CNTNAP4: variants seen among roughly 807,000 people sequenced by gnomAD.
CNTNAP4 encodes the protein contactin associated protein family member 4, also known as contactin-associated protein-like 4.
Under a neutral mutation model 148.4 loss-of-function variants are expected in CNTNAP4, and 98 were observed. The observed-to-expected ratio is 0.66, with a 90% CI of 0.56 to 0.78. The LOEUF is 0.78. Among genes scored for constraint, CNTNAP4 ranks in the 30% least tolerant of loss-of-function variants. The pLI is 0.00. For missense variants in CNTNAP4, 1,935 were observed against 1,565.6 expected (o/e 1.24, Z -3.98); for synonymous variants, 730 against 565.1 (o/e 1.29, Z -4.14).
intron 15 of CNTNAP4, among the ~76,000 whole-genome samples, chr16:76,514,720 G>C (rs2083178254): frequency 9.1e-6 from 1 of 109,712 alleles, no homozygotes; most frequent in Admixed American, 1.3e-4. Flanking sequence ...GATTCCTATT[G>C]AGGTTAATAA....
At chr16:76,532,540 T>C (rs1449251831) in intron 17 of CNTNAP4, among the ~76,000 whole-genome samples, 1 of 152,216 alleles carries the variant, frequency 6.6e-6, no homozygotes, top group African/African-American at 2.4e-5. Flanking sequence ...ACTGTGCATG[T>C]TTCAGAGCAG....
intron 3 of CNTNAP4, among the ~76,000 whole-genome samples, chr16:76,400,086 C>G (rs2078353632): frequency 6.6e-6 from 1 of 152,106 alleles, no homozygotes; most frequent in African/African-American, 2.4e-5. Context: ...ATTTGTACAG[C>G]CCCATAGAGA....
rs1280768141 is a variant in CNTNAP4 at position 76,560,464 on chromosome 16, A to G, written c.*1781A>G. On this transcript the variant is annotated 3_prime_UTR_variant, in exon 24 of 24. Coordinates refer to ENST00000611870, the MANE Select transcript of CNTNAP4 (RefSeq NM_033401.5). ...ATTGGAAGATCTATGGTGACAAGGGAAGGATTTAACATAGAAATGGCATTA... is the reference window on the plus strand; with the variant it reads ...ATTGGAAGATCTATGGTGACAAGGGGAGGATTTAACATAGAAATGGCATTA... Among the ~76,000 whole-genome samples the G allele has an allele frequency of 1.3e-5, 2 of 152,196 alleles. No individual in the cohort carries two copies. Among genetic ancestry groups the G allele is most frequent in the African/African-American group, 4.8e-5 (2 of 41,448 alleles).
intron 4 of CNTNAP4, among the ~76,000 whole-genome samples, chr16:76,443,766 C>T (rs1193409997): frequency 6.6e-6 from 1 of 152,090 alleles, no homozygotes; most frequent in African/African-American, 2.4e-5. Context: ...TAGTACAATA[C>T]AAAGACATAT....
chr16:76,389,448 G>T (rs986342878), intron 3 of CNTNAP4, among the ~76,000 whole-genome samples: 1 of 151,700 alleles, frequency 6.6e-6, no homozygotes, highest in Admixed American at 6.6e-5. Context: ...TTTTGTTTTT[G>T]CGTTTTTTGT....
chr16:76,514,098 T>A (rs1450214610), intron 15 of CNTNAP4, among the ~76,000 whole-genome samples: 2 of 152,182 alleles, frequency 1.3e-5, no homozygotes, highest in Non-Finnish European at 2.9e-5. Context: ...TGATCGTCAT[T>A]TGCTAATTCA....
intron 4 of CNTNAP4, among the ~76,000 whole-genome samples, chr16:76,429,995 G>A (rs1036041555): frequency 6.6e-6 from 1 of 152,074 alleles, no homozygotes; most frequent in Non-Finnish European, 1.5e-5. Context: ...TAAACTTAAT[G>A]GATAAACATT....
intron 9 of CNTNAP4, among the ~76,000 whole-genome samples, chr16:76,465,661 G>C (rs780591225): frequency 1.3e-5 from 2 of 152,056 alleles, no homozygotes; most frequent in African/African-American, 4.8e-5. Flanking sequence ...TTCTTAATTG[G>C]CTAATAAGTC....
Position 76,500,400 on chromosome 16 carries a change from G to A in CNTNAP4, c.2365+1706G>A, listed in dbSNP as rs111760741. 1.6e-3 allele frequency among the ~76,000 whole-genome samples: 247 copies of A among 152,350 alleles called. 1 individual carries two copies. The highest frequency in any genetic ancestry group is 5.1e-3 in the African/African-American group (212 of 41,582). On this transcript the variant is annotated intron_variant, in intron 15 of 23. Transcript: ENST00000611870. ...GGTTCTAAGAGAAAGAAACCACTGG[G>A]CATCTCAACTTGATTAGTTCATGAG... is the stretch of plus-strand genomic sequence containing the variant.
chr16:76,534,512 T>G (rs2084130616), intron 17 of CNTNAP4, among the ~76,000 whole-genome samples: 1 of 152,208 alleles, frequency 6.6e-6, no homozygotes, highest in South Asian at 2.1e-4. Context: ...GTTAGGGTAC[T>G]CTTTTCCCGC....
chr16:76,366,990 A>C (rs1476126648), intron 3 of CNTNAP4, among the ~76,000 whole-genome samples: 1 of 152,050 alleles, frequency 6.6e-6, no homozygotes, highest in Admixed American at 6.6e-5. Context: ...ATGAGAAATA[A>C]CTAAGTTAAT....
At chr16:76,334,757 T>C (rs1963873177) in intron 2 of CNTNAP4, among the ~76,000 whole-genome samples, 1 of 152,120 alleles carries the variant, frequency 6.6e-6, no homozygotes, top group South Asian at 2.1e-4. Context: ...TTAGTGGCTT[T>C]GGACGTGCAG....
At chr16:76,553,528 G>A in intron 22 of CNTNAP4, 27 bp downstream of exon 22, 1 of 1,500,826 alleles carries the variant, frequency 6.7e-7, no homozygotes, top group South Asian at 1.2e-5. Context: ...CCTCTACTCA[G>A]TCACAGACGT....
At chr16:76,299,946 G>A (rs1346643825) in intron 1 of CNTNAP4, among the ~76,000 whole-genome samples, 3 of 152,010 alleles carry the variant, frequency 2.0e-5, no homozygotes, top group African/African-American at 7.2e-5. Context: ...TTTGAACAAC[G>A]AGAACACATG....
At chr16:76,301,153 C>A (rs529896642) in intron 1 of CNTNAP4, among the ~76,000 whole-genome samples, 4 of 151,600 alleles carry the variant, frequency 2.6e-5, no homozygotes, top group Non-Finnish European at 4.4e-5. Flanking sequence ...TTAACACACA[C>A]AAAAAGAGCA....
chr16:76,391,380 T>C (rs1440332221), intron 3 of CNTNAP4, among the ~76,000 whole-genome samples: 1 of 152,230 alleles, frequency 6.6e-6, no homozygotes, highest in Non-Finnish European at 1.5e-5. Context: ...CCACAGTCTT[T>C]CTAATTTGTA....
rs762884354 is a variant in CNTNAP4 at position 76,479,388 on chromosome 16, A to G, written c.1763-31A>G. 1.3e-5 allele frequency: 20 copies of G among 1,546,850 alleles called. No homozygotes were observed. In the South Asian group the frequency reaches 2.2e-4, roughly 17 times the overall value. ...AAAGTTAAGAGATTCATTTCATGCT[A>G]TTCCATTAATGATGATTTTTTTTCT... On this transcript the variant is annotated intron_variant, in intron 11 of 23. Transcript: ENST00000611870.
At chr16:76,504,833 A>G (rs1039341155) in intron 15 of CNTNAP4, among the ~76,000 whole-genome samples, 1 of 152,178 alleles carries the variant, frequency 6.6e-6, no homozygotes, top group Non-Finnish European at 1.5e-5. Context: ...AAAAATATGG[A>G]TTTAAATAAA....
At chr16:76,404,449 C>G (rs867833772) in intron 3 of CNTNAP4, among the ~76,000 whole-genome samples, 5 of 151,936 alleles carry the variant, frequency 3.3e-5, no homozygotes, top group Non-Finnish European at 5.9e-5. Context: ...CACACAGACA[C>G]ACACACACAC....
Sources: allele counts gnomAD v4.1 joint callset (sites outside exome capture counted in the v4.1 genomes callset), GRCh38; gene constraint gnomAD v4.1.1; transcripts MANE v1.5; gene names NCBI Gene and HGNC (gene_info 2026-07-23, HGNC 2026-07-21).